Variants in THEMIS observed in about 807,000 individuals in gnomAD.
The protein encoded by THEMIS is thymocyte selection associated.
In THEMIS, 37 loss-of-function variants were observed where a neutral mutation model predicts 52.6. The observed-to-expected ratio is 0.70, with a 90% CI of 0.54 to 0.93. The LOEUF (loss-of-function observed/expected upper bound fraction) is 0.93, where lower values mean the gene tolerates loss of function less well. Ranked by LOEUF, THEMIS falls within the 40% of genes least tolerant of loss-of-function variation. The pLI is 0.00. For synonymous variants in THEMIS, 292 were observed against 272.7 expected (o/e 1.07, Z -0.70); for missense variants, 808 against 763.1 (o/e 1.06, Z -0.69).
At chr6:127,807,018 A>G (rs1273337762) in intron 4 of THEMIS, among the ~76,000 whole-genome samples, 7 of 152,180 alleles carry the variant, frequency 4.6e-5, no homozygotes, top group African/African-American at 1.7e-4. Context: ...ACCATGATTT[A>G]TTAATCTGTA....
chr6:127,698,312 C>A, the THEMIS span, among the ~76,000 whole-genome samples: 1 of 151,932 alleles, frequency 6.6e-6, no homozygotes, highest in African/African-American at 2.4e-5. Flanking sequence ...CCTGACTCAC[C>A]AGAATTTTAT....
intron 1 of THEMIS, among the ~76,000 whole-genome samples, chr6:127,882,961 AAG>A (rs1251033697): frequency 6.6e-6 from 1 of 151,958 alleles, no homozygotes; most frequent in Non-Finnish European, 1.5e-5. Flanking sequence ...TCAGATCCAT[AAG>A]AGTCATGTTC....
intron 4 of THEMIS, among the ~76,000 whole-genome samples, chr6:127,731,077 G>A (rs1774777277): frequency 6.6e-6 from 1 of 152,158 alleles, no homozygotes; most frequent in South Asian, 2.1e-4. Flanking sequence ...GGCATATTTA[G>A]TACATCCTGC....
In THEMIS at chr6:127,817,209, G is replaced by A. The variant is rs2114620236; in HGVS notation, c.710-3278C>T. Among the ~76,000 whole-genome samples the A allele has an allele frequency of 2.0e-5, 3 of 152,154 alleles. No individual in the cohort carries two copies. The Middle Eastern group carries it at 0.01, about 521-fold the overall frequency. ...CATCAATGTCTAGAATGTCTAGAGT[G>A]GCACCTGGCGTATAGTAGATACTCA... On this transcript the variant is annotated intron_variant, in intron 3 of 5. Coordinates refer to ENST00000368248, the MANE Select transcript of THEMIS (RefSeq NM_001010923.3).
chr6:127,785,668 A>G (rs1411613166), intron 4 of THEMIS, among the ~76,000 whole-genome samples: 1 of 151,970 alleles, frequency 6.6e-6, no homozygotes, highest in East Asian at 1.9e-4. Context: ...CAGGTTAGCC[A>G]TCTTTTCCTC....
At chr6:127,791,587 G>A (rs1777159617) in intron 4 of THEMIS, among the ~76,000 whole-genome samples, 1 of 152,196 alleles carries the variant, frequency 6.6e-6, no homozygotes, top group African/African-American at 2.4e-5. Flanking sequence ...TCCCTGGCCT[G>A]AAGATGGGGC....
intron 1 of THEMIS, among the ~76,000 whole-genome samples, chr6:127,898,170 A>G (rs1388665202): frequency 6.6e-6 from 1 of 151,694 alleles, no homozygotes; most frequent in Non-Finnish European, 1.5e-5. Context: ...CTATTTCTGG[A>G]CCAGGGTGGC....
chr6:127,848,430 G>A (rs1329192173), intron 2 of THEMIS, among the ~76,000 whole-genome samples: 1 of 151,884 alleles, frequency 6.6e-6, no homozygotes, highest in Admixed American at 6.6e-5. Flanking sequence ...AATCCTTTGG[G>A]TATATACCCA....
At chr6:127,888,499 T>C (rs1438158254) in intron 1 of THEMIS, among the ~76,000 whole-genome samples, 3 of 152,128 alleles carry the variant, frequency 2.0e-5, no homozygotes, top group Non-Finnish European at 4.4e-5. Flanking sequence ...TTTCTTTTCT[T>C]GAAAGTTAAT....
intron 2 of THEMIS, among the ~76,000 whole-genome samples, chr6:127,836,922 G>A (rs1222134950): frequency 1.3e-5 from 2 of 152,062 alleles, no homozygotes; most frequent in Non-Finnish European, 2.9e-5. Context: ...AGAGCACTGG[G>A]GGGTCTCGTG....
chr6:127,698,621 T>C, the THEMIS span, among the ~76,000 whole-genome samples: 1 of 152,046 alleles, frequency 6.6e-6, no homozygotes, highest in Non-Finnish European at 1.5e-5. Context: ...GCATATTCAC[T>C]CAGATGAAAC....
At chr6:127,894,228 A>G (rs1780897446) in intron 1 of THEMIS, among the ~76,000 whole-genome samples, 1 of 152,108 alleles carries the variant, frequency 6.6e-6, no homozygotes, top group Non-Finnish European at 1.5e-5. Flanking sequence ...ACAAAAAACA[A>G]AGCATACTTT....
chr6:127,741,156 G>A (rs1775189110), intron 4 of THEMIS, among the ~76,000 whole-genome samples: 1 of 152,160 alleles, frequency 6.6e-6, no homozygotes, highest in Admixed American at 6.6e-5. Flanking sequence ...AGGCACAGAA[G>A]CAGCAAAAGC....
intron 4 of THEMIS, among the ~76,000 whole-genome samples, chr6:127,794,756 A>G (rs1461506551): frequency 6.6e-6 from 1 of 152,284 alleles, no homozygotes; most frequent in Non-Finnish European, 1.5e-5. Context: ...ATATTCTTTC[A>G]AAAATTATTC....
chr6:127,824,232 C>T (rs1191853838), intron 3 of THEMIS, among the ~76,000 whole-genome samples: 1 of 152,036 alleles, frequency 6.6e-6, no homozygotes, highest in Non-Finnish European at 1.5e-5. Flanking sequence ...CATAGGTGAG[C>T]AGGAGGGAAG....
chr6:127,779,933 T>G (rs913045910), intron 4 of THEMIS, among the ~76,000 whole-genome samples: 4 of 152,070 alleles, frequency 2.6e-5, no homozygotes, highest in African/African-American at 7.2e-5. Flanking sequence ...TATCAAAAAT[T>G]TATCTCCCCT....
chr6:127,714,409 T>A (rs569696719), intron 5 of THEMIS, among the ~76,000 whole-genome samples: 68 of 152,000 alleles, frequency 4.5e-4, no homozygotes, highest in African/African-American at 1.6e-3. Flanking sequence ...ATATTATTTT[T>A]AAATATTCCT....
rs991783003 is a variant in THEMIS, at chr6:127,708,464, A to G, written c.*1521T>C. On this transcript the variant is annotated 3_prime_UTR_variant, in exon 6 of 6. Transcript: ENST00000368248. ...TCTCAAATTCCAAACAAAAATATTA[A>G]TTATTCACTATTGTTTGAAAAATAA... The G allele has an allele frequency of 4.6e-5, 7 of 152,118 alleles. No individual in the cohort carries two copies. The highest frequency in any genetic ancestry group is 8.8e-5 in the Non-Finnish European group (6 of 67,984). 9.4% of individuals were successfully genotyped at this position (152,118 alleles called of 1,614,324 possible).
chr6:127,727,361 A>T (rs1353975147), intron 4 of THEMIS, among the ~76,000 whole-genome samples: 1 of 152,190 alleles, frequency 6.6e-6, no homozygotes, highest in Non-Finnish European at 1.5e-5. Flanking sequence ...CAACTATGTG[A>T]CACATTTTTT....
Sources: allele counts gnomAD v4.1 joint callset (sites outside exome capture counted in the v4.1 genomes callset), GRCh38; gene constraint gnomAD v4.1.1; transcripts MANE v1.5; gene names NCBI Gene and HGNC (gene_info 2026-07-23, HGNC 2026-07-21).